The following STAU1 variants were observed in gnomAD, a reference collection of about 807,000 sequenced individuals.
The protein encoded by STAU1 is staufen double-stranded RNA binding protein 1, also known as double-stranded RNA-binding protein Staufen homolog 1.
A neutral mutation model predicts 62.9 loss-of-function variants in STAU1; 13 were observed. That is an observed-to-expected ratio of 0.21 (90% CI 0.13 to 0.33). STAU1 has a LOEUF of 0.33. Among genes scored for constraint, STAU1 ranks in the 10% least tolerant of loss-of-function variants. The probability of loss-of-function intolerance (pLI) is 1.00; values close to 1 mark genes in which losing one functional copy is unlikely to be tolerated. For synonymous variants in STAU1, 269 were observed against 265.1 expected (o/e 1.01, Z -0.14); for missense variants, 571 against 712.1 (o/e 0.80, Z 2.25).
chr20:49,189,619 CAA>C (rs71186430), upstream of STAU1, among the ~76,000 whole-genome samples: 9 of 55,332 alleles, frequency 1.6e-4, no homozygotes, highest in South Asian at 7.9e-4. Flanking sequence ...GACTCTGTCT[CAA>C]AAAAAAAAAA....
At chr20:49,157,556 T>G (rs2093380825) in intron 3 of STAU1, among the ~76,000 whole-genome samples, 1 of 151,870 alleles carries the variant, frequency 6.6e-6, no homozygotes. Flanking sequence ...CTCAGCTCAC[T>G]GCAACCTCCG....
intron 5 of STAU1, among the ~76,000 whole-genome samples, chr20:49,145,899 T>C (rs1023309776): frequency 6.6e-6 from 1 of 151,826 alleles, no homozygotes; most frequent in Non-Finnish European, 1.5e-5. Flanking sequence ...GTGAGACCTG[T>C]CTCTGTTAGA....
intron 2 of STAU1, among the ~76,000 whole-genome samples, chr20:49,171,057 T>C (rs1297249915): frequency 6.6e-6 from 1 of 152,252 alleles, no homozygotes; most frequent in Non-Finnish European, 1.5e-5. Flanking sequence ...CATTCTTAAA[T>C]GCTGGAAAGG....
In STAU1 at chr20:49,114,853, A is replaced by G; in HGVS notation, c.*25T>C. 6.2e-7 allele frequency: 1 copy of G among 1,612,418 alleles called. No homozygotes were observed. On this transcript the variant is annotated 3_prime_UTR_variant, in exon 14 of 14. Coordinates refer to ENST00000371856, the MANE Select transcript of STAU1 (RefSeq NM_017453.4). Reference sequence around the variant, plus strand: ...TTTTCAGTATATATGTTGGGATTTTATAATGGTTCATGGCCAGAAAAGGTT... The same window carrying G: ...TTTTCAGTATATATGTTGGGATTTTGTAATGGTTCATGGCCAGAAAAGGTT...
chr20:49,158,125 T>C (rs1296420603), intron 3 of STAU1, among the ~76,000 whole-genome samples: 1 of 151,514 alleles, frequency 6.6e-6, no homozygotes, highest in Non-Finnish European at 1.5e-5. Flanking sequence ...CTACTAAAAA[T>C]ACAAAAATTA....
Position 49,124,385 on chromosome 20 carries a change from G to A in STAU1, c.812C>T (p.Pro271Leu). The change falls in exon 7 of 14, where the codon CCC becomes CTC. Residue 271 changes from proline (P) to leucine (L), a missense_variant. This residue lies in a region of STAU1 where 414 missense variants were observed against 499.6 expected (regional missense o/e 0.83). Coordinates refer to ENST00000371856, the MANE Select transcript of STAU1 (RefSeq NM_017453.4). ...VKPRIKKKTK[P>L]IVKPQTSPEY... ...CAGAAAAGTTCTCACCTTGACTATGGGTTTTGTTTTCTTTTTGATTCTAGG... is the reference window on the plus strand; with the variant it reads ...CAGAAAAGTTCTCACCTTGACTATGAGTTTTGTTTTCTTTTTGATTCTAGG... The A allele has an allele frequency of 6.2e-7, 1 of 1,613,842 alleles. No individual in the cohort carries two copies. Among genetic ancestry groups the A allele is most frequent in the African/African-American group, 1.3e-5 (1 of 74,950 alleles).
intron 1 of STAU1, among the ~76,000 whole-genome samples, chr20:49,175,838 A>G (rs1185316996): frequency 7.8e-6 from 1 of 128,016 alleles, no homozygotes; most frequent in African/African-American, 3.1e-5. Context: ...GCTGTCGTCC[A>G]GGCTGGAGTG....
At position 49,157,947 on chromosome 20, in the gene STAU1, C is replaced by T. The variant is rs114065931; in HGVS notation, c.206-3876G>A. On this transcript the variant is annotated intron_variant, in intron 3 of 13. Coordinates refer to ENST00000371856, the MANE Select transcript of STAU1 (RefSeq NM_017453.4). ...TTAAGTTCTCAAAGTAATTCTGATG[C>T]ACCCCAAAGATTTGAGATTCACTAC... Among the ~76,000 whole-genome samples the T allele has an allele frequency of 5.4e-3, 818 of 152,208 alleles. 8 individuals carry two copies. Among genetic ancestry groups the T allele is most frequent in the African/African-American group, 0.018 (767 of 41,542 alleles).
chr20:49,208,418 G>A, the STAU1 span, among the ~76,000 whole-genome samples: 1 of 151,812 alleles, frequency 6.6e-6, no homozygotes, highest in Non-Finnish European at 1.5e-5. Flanking sequence ...GGCCAGGCTG[G>A]TCTTGAATTC....
At chr20:49,154,148 T>C (rs1289793589) in intron 3 of STAU1, 77 bp from the exon 4 acceptor site, 4 of 1,415,006 alleles carry the variant, frequency 2.8e-6, no homozygotes, top group Non-Finnish European at 3.8e-6. Flanking sequence ...TGTAATAGCA[T>C]GCTTTCTGCT....
chr20:49,130,524 G>A (rs536996847), intron 6 of STAU1, among the ~76,000 whole-genome samples: 4 of 151,930 alleles, frequency 2.6e-5, no homozygotes, highest in Non-Finnish European at 4.4e-5. Flanking sequence ...AGGGCACAAG[G>A]GCCAATTTAA....
intron 5 of STAU1, among the ~76,000 whole-genome samples, chr20:49,138,972 T>C (rs2092949826): frequency 6.6e-6 from 1 of 151,874 alleles, no homozygotes; most frequent in African/African-American, 2.4e-5. Flanking sequence ...AATAGTTAAA[T>C]AGATATTAAA....
intron 1 of STAU1, among the ~76,000 whole-genome samples, chr20:49,182,742 G>A (rs535646821): frequency 6.6e-6 from 1 of 152,032 alleles, no homozygotes; most frequent in African/African-American, 2.4e-5. Flanking sequence ...GAGAGGCTGA[G>A]GCAGGAGAAT....
rs551431293 is a variant in STAU1 at position 49,174,933 on chromosome 20, C to CAA, written c.-159-666_-159-665dup. 1.1e-3 allele frequency among the ~76,000 whole-genome samples: 66 copies of CAA among 59,422 alleles called. 1 individual carries two copies. Among genetic ancestry groups the CAA allele is most frequent in the South Asian group, 4.4e-3 (8 of 1,818 alleles). 39.0% of individuals were successfully genotyped at this position (59,422 alleles called of 152,430 possible). ...TGGGTGACAGAGTGAGACTCCGTCA[C>CAA]AAAAAAAAAAAAAAAAAGAGATTGA... On this transcript the variant is annotated intron_variant, in intron 1 of 13. Transcript: ENST00000371856.
the STAU1 span, among the ~76,000 whole-genome samples, chr20:49,204,593 TA>T: frequency 3.6e-4 from 4 of 11,104 alleles, no homozygotes; most frequent in African/African-American, 1.8e-3. Context: ...GATTTTACAT[TA>T]TATATATATA....
At chr20:49,194,258 C>T in the STAU1 span, among the ~76,000 whole-genome samples, 3 of 151,672 alleles carry the variant, frequency 2.0e-5, no homozygotes, top group African/African-American at 4.8e-5. Flanking sequence ...GGAGAAACCC[C>T]GTCTCTACTA....
chr20:49,184,948 CATTTATAAT>C (rs747330120), intron 1 of STAU1, among the ~76,000 whole-genome samples: 16 of 152,136 alleles, frequency 1.1e-4, no homozygotes, highest in Non-Finnish European at 2.1e-4. Context: ...GCAACAAAGA[CATTTATAAT>C]ATTTATAATA....
Position 49,117,114 on chromosome 20 carries a change from G to C in STAU1, c.1632+12C>G. ...CACAACACCCCAATCCCTCACCCAA[G>C]GTGTGACGTACCATATCATGGCAGG... On this transcript the variant is annotated intron_variant, in intron 12 of 13. Coordinates refer to ENST00000371856, the MANE Select transcript of STAU1 (RefSeq NM_017453.4). This position sits in a 1 kb window ranked among gnomAD's most constrained non-coding sequence, Gnocchi z 4.6. The C allele has an allele frequency of 6.2e-7, 1 of 1,613,846 alleles. No individual in the cohort carries two copies. Among genetic ancestry groups the C allele is most frequent in the Non-Finnish European group, 8.5e-7 (1 of 1,179,860 alleles).
chr20:49,164,594 C>A (rs1018560645), intron 3 of STAU1, among the ~76,000 whole-genome samples: 9 of 151,792 alleles, frequency 5.9e-5, no homozygotes, highest in South Asian at 2.1e-4. Flanking sequence ...CTGGCCATGA[C>A]GCAGAAAATT....
Sources: allele counts gnomAD v4.1 joint callset (sites outside exome capture counted in the v4.1 genomes callset), GRCh38; gene constraint gnomAD v4.1.1; regional missense constraint gnomAD v4.1.1; non-coding constraint Gnocchi (gnomAD v3.1); transcripts MANE v1.5; gene names NCBI Gene and HGNC (gene_info 2026-07-23, HGNC 2026-07-21).